Variants in SLC24A3 observed in about 807,000 individuals in gnomAD.
SLC24A3 encodes solute carrier family 24 member 3.
SLC24A3 carries 28 observed loss-of-function variants against 75.8 expected under a neutral mutation model. The ratio of observed to expected loss-of-function variants is 0.37; its 90% CI spans 0.27 to 0.51. The LOEUF (loss-of-function observed/expected upper bound fraction) is 0.51, where lower values mean the gene tolerates loss of function less well. Among genes scored for constraint, SLC24A3 ranks in the 20% least tolerant of loss-of-function variants. The probability of loss-of-function intolerance (pLI) is 0.94; values close to 1 mark genes in which losing one functional copy is unlikely to be tolerated. For missense variants in SLC24A3, 663 were observed against 847.8 expected (o/e 0.78, Z 2.71); for synonymous variants, 372 against 334.1 (o/e 1.11, Z -1.24).
At chr20:19,244,740 T>A (rs1020546990) in intron 1 of SLC24A3, among the ~76,000 whole-genome samples, 1 of 152,146 alleles carries the variant, frequency 6.6e-6, no homozygotes, top group Non-Finnish European at 1.5e-5. Context: ...CTTTGTGATG[T>A]CCAATAGACA....
At chr20:19,527,511 G>A (rs1403230942) in intron 3 of SLC24A3, among the ~76,000 whole-genome samples, 1 of 152,158 alleles carries the variant, frequency 6.6e-6, no homozygotes, top group Non-Finnish European at 1.5e-5. Flanking sequence ...ACTTTGGGGG[G>A]CCAGACCTTC....
chr20:19,686,227 A>G (rs1048214527), intron 12 of SLC24A3, among the ~76,000 whole-genome samples: 1 of 152,148 alleles, frequency 6.6e-6, no homozygotes, highest in Non-Finnish European at 1.5e-5. Flanking sequence ...ACCTCCACCC[A>G]TCCCATTGCA....
chr20:19,718,581 A>G (rs892386707), intron 16 of SLC24A3, among the ~76,000 whole-genome samples: 2 of 152,182 alleles, frequency 1.3e-5, no homozygotes, highest in East Asian at 3.9e-4. Context: ...GAATGGAGGA[A>G]CAAGCATCTG....
intron 3 of SLC24A3, among the ~76,000 whole-genome samples, chr20:19,569,206 T>C (rs1600284226): frequency 6.6e-6 from 1 of 152,348 alleles, no homozygotes; most frequent in East Asian, 1.9e-4. Flanking sequence ...ATCAGTGTTC[T>C]TCTGCTTCCT....
chr20:19,494,871 T>G (rs1479268445), intron 2 of SLC24A3, among the ~76,000 whole-genome samples: 1 of 152,240 alleles, frequency 6.6e-6, no homozygotes, highest in Non-Finnish European at 1.5e-5. Context: ...CTGAAGAGGT[T>G]GTCTCGGGTT....
intron 2 of SLC24A3, among the ~76,000 whole-genome samples, chr20:19,328,503 A>T (rs1484616025): frequency 6.6e-6 from 1 of 152,138 alleles, no homozygotes; most frequent in African/African-American, 2.4e-5. Flanking sequence ...GATTCCGGAC[A>T]TGGTTTGCCT....
intron 2 of SLC24A3, among the ~76,000 whole-genome samples, chr20:19,498,607 A>G (rs1338709775): frequency 1.3e-5 from 2 of 152,178 alleles, no homozygotes; most frequent in Admixed American, 1.3e-4. Context: ...TGTCTGATCC[A>G]TATTAATAGA....
chr20:19,329,117 A>G (rs576416975), intron 2 of SLC24A3, among the ~76,000 whole-genome samples: 76 of 152,324 alleles, frequency 5.0e-4, no homozygotes, highest in African/African-American at 1.8e-3. Flanking sequence ...TAATGGGTCC[A>G]AAAGAGGATG....
At chr20:19,252,048 C>T (rs1371557274) in intron 1 of SLC24A3, among the ~76,000 whole-genome samples, 1 of 152,192 alleles carries the variant, frequency 6.6e-6, no homozygotes, top group East Asian at 1.9e-4. Context: ...GCTACATTCT[C>T]AGTGGTTGCA....
intron 6 of SLC24A3, among the ~76,000 whole-genome samples, chr20:19,633,110 A>C (rs927963627): frequency 2.6e-5 from 4 of 152,242 alleles, no homozygotes; most frequent in Non-Finnish European, 4.4e-5. Flanking sequence ...TAAAATGGAG[A>C]CAACTTTATG....
intron 6 of SLC24A3, among the ~76,000 whole-genome samples, chr20:19,638,665 T>G (rs1031067976): frequency 2.0e-5 from 3 of 152,142 alleles, no homozygotes; most frequent in Non-Finnish European, 4.4e-5. Flanking sequence ...ATTATCCCTA[T>G]TTTTGAAGAT....
chr20:19,485,699 G>T (rs1050315728), intron 2 of SLC24A3, among the ~76,000 whole-genome samples: 3 of 152,132 alleles, frequency 2.0e-5, no homozygotes, highest in Non-Finnish European at 4.4e-5. Context: ...TGGCCTCACA[G>T]CTCCTTGAAG....
chr20:19,289,887 G>A (rs1212348578), intron 2 of SLC24A3, among the ~76,000 whole-genome samples: 2 of 152,142 alleles, frequency 1.3e-5, no homozygotes, highest in African/African-American at 4.8e-5. Flanking sequence ...CACCTCCAGG[G>A]CTCCCTGCTA....
At chr20:19,561,831 G>C (rs1402311093) in intron 3 of SLC24A3, among the ~76,000 whole-genome samples, 2 of 152,084 alleles carry the variant, frequency 1.3e-5, no homozygotes, top group Non-Finnish European at 2.9e-5. Flanking sequence ...AAAATAGCTC[G>C]AGTCATACAG....
At chr20:19,594,277 G>A (rs1416300020) in intron 6 of SLC24A3, among the ~76,000 whole-genome samples, 4 of 152,144 alleles carry the variant, frequency 2.6e-5, no homozygotes, top group African/African-American at 9.7e-5. Flanking sequence ...CACCATGTAG[G>A]GAGTGACAGA....
In SLC24A3 at chr20:19,325,019, C is replaced by CT. The variant is rs11340561; in HGVS notation, c.271+43947dup. ...GTGAATGGACGGTAGATGGTAGAGCCTTTTTTTTTTTTTTTAATGACACTA... is the reference window on the plus strand; with the variant it reads ...GTGAATGGACGGTAGATGGTAGAGCCTTTTTTTTTTTTTTTTAATGACACTA... On this transcript the variant is annotated intron_variant, in intron 2 of 16. Transcript: ENST00000328041. Among the ~76,000 whole-genome samples, 541 of 129,122 alleles carry CT rather than the reference C, an allele frequency of 4.2e-3. 4 individuals carry two copies. The highest frequency in any genetic ancestry group is 7.2e-3 in the African/African-American group (258 of 36,062). 84.7% of individuals were successfully genotyped at this position (129,122 alleles called of 152,430 possible).
intron 3 of SLC24A3, among the ~76,000 whole-genome samples, chr20:19,551,992 G>A (rs899373822): frequency 4.6e-5 from 7 of 152,232 alleles, no homozygotes; most frequent in South Asian, 2.1e-4. Flanking sequence ...TACTCACGTC[G>A]CCACTGCTTG....
At chr20:19,345,495 A>G (rs975460902) in intron 2 of SLC24A3, among the ~76,000 whole-genome samples, 12 of 152,218 alleles carry the variant, frequency 7.9e-5, no homozygotes, top group African/African-American at 2.7e-4. Context: ...TGAGACTTCA[A>G]CACTCACTGT....
At chr20:19,591,689 G>A (rs746829428) in intron 6 of SLC24A3, among the ~76,000 whole-genome samples, 5 of 152,100 alleles carry the variant, frequency 3.3e-5, no homozygotes, top group Non-Finnish European at 4.4e-5. Flanking sequence ...AATCATTGTG[G>A]CAAAGGAACT....
Sources: gnomAD v4.1 joint callset for allele counts (sites outside exome capture counted in the v4.1 genomes callset) on GRCh38, gnomAD v4.1.1 for gene constraint, MANE v1.5 for transcripts, NCBI Gene and HGNC (gene_info 2026-07-23, HGNC 2026-07-21) for gene names.